Variants in ADAM10 observed in about 807,000 individuals in gnomAD.
ADAM10 encodes ADAM metallopeptidase domain 10, also known as disintegrin and metalloproteinase domain-containing protein 10.
Under a neutral mutation model 90.1 loss-of-function variants are expected in ADAM10, and 17 were observed. The observed-to-expected ratio is 0.19, with a 90% CI of 0.13 to 0.28. ADAM10 has a LOEUF of 0.28. Among genes scored for constraint, ADAM10 ranks in the 10% least tolerant of loss-of-function variants. The pLI is 1.00. For missense variants in ADAM10, 610 were observed against 914.3 expected (o/e 0.67, Z 4.29); for synonymous variants, 310 against 298.6 (o/e 1.04, Z -0.40).
intron 5 of ADAM10, among the ~76,000 whole-genome samples, chr15:58,654,647 G>A (rs189229005): frequency 6.6e-6 from 1 of 152,236 alleles, no homozygotes; most frequent in Non-Finnish European, 1.5e-5. Context: ...CTAAAGTGCT[G>A]GAATTACAGA....
chr15:58,629,247 G>A (rs1896032575), intron 9 of ADAM10: 1 of 152,142 alleles, frequency 6.6e-6, no homozygotes, highest in African/African-American at 2.4e-5. Context: ...ATTATCCCTA[G>A]CCTTCAAGGC....
chr15:58,626,620 C>T (rs1230154444), intron 10 of ADAM10, among the ~76,000 whole-genome samples: 2 of 152,148 alleles, frequency 1.3e-5, no homozygotes, highest in African/African-American at 4.8e-5. Context: ...GAGTATTATT[C>T]AGCCGTGAAA....
chr15:58,704,956 T>C (rs541058309), intron 2 of ADAM10, among the ~76,000 whole-genome samples: 6 of 152,122 alleles, frequency 3.9e-5, no homozygotes, highest in East Asian at 1.9e-4. Context: ...ATGCGGAGTG[T>C]TGTAGTAGTC....
intron 5 of ADAM10, among the ~76,000 whole-genome samples, chr15:58,652,636 T>A (rs1336071398): frequency 1.1e-4 from 16 of 152,296 alleles, no homozygotes; most frequent in African/African-American, 3.8e-4. Context: ...TTGGTTACTA[T>A]AGCGCTACAG....
In ADAM10 at chr15:58,590,239, T is replaced by C. The variant is rs1245899813; in HGVS notation, c.*7308A>G. ...CCCACCCTCCTTTCTCAGTCCTATCTCTGCATGATCAGCTCTTGGATCACC... is the reference window on the plus strand; with the variant it reads ...CCCACCCTCCTTTCTCAGTCCTATCCCTGCATGATCAGCTCTTGGATCACC... On this transcript the variant is annotated 3_prime_UTR_variant, in exon 16 of 16. Coordinates refer to ENST00000260408, the MANE Select transcript of ADAM10 (RefSeq NM_001110.4). 1 of 152,144 alleles carries C rather than the reference T, an allele frequency of 6.6e-6. No homozygotes were observed. The highest frequency in any genetic ancestry group is 1.9e-4 in the East Asian group (1 of 5,176). 9.4% of individuals were successfully genotyped at this position (152,144 alleles called of 1,614,324 possible).
chr15:58,698,167 T>C, intron 2 of ADAM10: 1 of 321,252 alleles, frequency 3.1e-6, no homozygotes, highest in South Asian at 2.4e-5. Context: ...AAAAGAAATT[T>C]ATGAGATCCC....
At chr15:58,693,887 T>C (rs1188366591) in intron 2 of ADAM10, among the ~76,000 whole-genome samples, 1 of 151,666 alleles carries the variant, frequency 6.6e-6, no homozygotes, top group Non-Finnish European at 1.5e-5. Context: ...AAGACAACCA[T>C]TGAAAGACAA....
chr15:58,647,276 T>TTTTTTTTTTTTTTTTTA (rs1896576259), intron 5 of ADAM10, among the ~76,000 whole-genome samples: 1 of 115,316 alleles, frequency 8.7e-6, no homozygotes, highest in African/African-American at 3.4e-5. Flanking sequence ...TTTTTTTTTT[T>TTTTTTTTTTTTTTTTTA]TTGAGACAGA....
Position 58,620,693 on chromosome 15 carries a change from G to A in ADAM10, c.1511+778C>T, listed in dbSNP as rs1895757686. 2.6e-5 allele frequency among the ~76,000 whole-genome samples: 2 copies of A among 75,820 alleles called. 1 individual carries two copies. The highest frequency in any genetic ancestry group is 2.2e-4 in the African/African-American group (2 of 8,920). The allele number at this position is 75,820 out of a possible 152,430, so 49.7% of individuals were successfully genotyped here. On this transcript the variant is annotated intron_variant, in intron 11 of 15. Coordinates refer to ENST00000260408, the MANE Select transcript of ADAM10 (RefSeq NM_001110.4). ...TTTTTTTTTTTTGAGACGGAGTCTC[G>A]CTCTGTCGCCCAGGCCGGACTGCGG...
chr15:58,669,053 A>G (rs1897138470), intron 4 of ADAM10, among the ~76,000 whole-genome samples: 1 of 152,184 alleles, frequency 6.6e-6, no homozygotes, highest in Non-Finnish European at 1.5e-5. Flanking sequence ...TCTCCTAATC[A>G]TATGTCAATG....
chr15:58,722,878 C>G (rs1490637111), intron 1 of ADAM10, among the ~76,000 whole-genome samples: 1 of 151,742 alleles, frequency 6.6e-6, no homozygotes, highest in East Asian at 1.9e-4. Context: ...GCTACAGGCA[C>G]GCACCACTAT....
intron 11 of ADAM10, among the ~76,000 whole-genome samples, chr15:58,618,112 A>G (rs768457262): frequency 2.6e-5 from 4 of 152,140 alleles, no homozygotes; most frequent in Non-Finnish European, 5.9e-5. Flanking sequence ...CACACCACCT[A>G]ATTTCAAAAT....
rs1179677360 is a variant in ADAM10, at chr15:58,717,675, A to C, written c.108T>G (p.Ser36=). 6.2e-7 allele frequency: 1 copy of C among 1,613,710 alleles called. No individual in the cohort carries two copies. The highest frequency in any genetic ancestry group is 2.2e-5 in the East Asian group (1 of 44,836). The stretch of plus-strand genomic sequence containing the variant: ...TTTGGTGTAATGAATCCACATTGTA[A>C]GATAATCCTTCATAATGTCTGATAT... ...NKYIRHYEGL[S]YNVDSLHQKH... The change falls in exon 2 of 16, where the codon TCT becomes TCG. Residue 36 remains serine, a synonymous_variant. Coordinates refer to ENST00000260408, the MANE Select transcript of ADAM10 (RefSeq NM_001110.4).
intron 1 of ADAM10, among the ~76,000 whole-genome samples, chr15:58,730,882 T>C (rs1899213024): frequency 6.6e-6 from 1 of 152,234 alleles, no homozygotes; most frequent in African/African-American, 2.4e-5. Flanking sequence ...GACTCCAGCC[T>C]CTGCGGCCTT....
chr15:58,613,969 A>G (rs1290652576), intron 11 of ADAM10, among the ~76,000 whole-genome samples: 1 of 152,262 alleles, frequency 6.6e-6, no homozygotes, highest in East Asian at 1.9e-4. Context: ...TCAATCAATC[A>G]CTTAAAAGCT....
At chr15:58,723,525 C>T (rs1898926798) in intron 1 of ADAM10, among the ~76,000 whole-genome samples, 1 of 151,460 alleles carries the variant, frequency 6.6e-6, no homozygotes, top group African/African-American at 2.4e-5. Flanking sequence ...ATAGTGAAAC[C>T]CATAGTCTCT....
At chr15:58,619,627 G>A (rs1187410149) in intron 11 of ADAM10, among the ~76,000 whole-genome samples, 7 of 152,098 alleles carry the variant, frequency 4.6e-5, no homozygotes, top group South Asian at 2.1e-4. Flanking sequence ...AATAGGGGCC[G>A]GGTGCAGTGG....
intron 2 of ADAM10, among the ~76,000 whole-genome samples, chr15:58,689,927 T>G (rs1476946035): frequency 7.6e-6 from 1 of 132,200 alleles, no homozygotes; most frequent in Non-Finnish European, 1.5e-5. Flanking sequence ...TCACTCTGAT[T>G]CCAAAACCAA....
intron 5 of ADAM10, among the ~76,000 whole-genome samples, chr15:58,659,271 T>G (rs1313159561): frequency 1.3e-5 from 2 of 150,752 alleles, no homozygotes. Flanking sequence ...AGAATCCGTC[T>G]CAAAAAAGAA....
Sources: allele counts gnomAD v4.1 joint callset (sites outside exome capture counted in the v4.1 genomes callset), GRCh38; gene constraint gnomAD v4.1.1; transcripts MANE v1.5; gene names NCBI Gene and HGNC (gene_info 2026-07-23, HGNC 2026-07-21).